The following PRKN variants were observed in gnomAD, a reference collection of about 807,000 sequenced individuals.
PRKN encodes the protein parkin RBR E3 ubiquitin protein ligase, also known as E3 ubiquitin-protein ligase parkin.
Under a neutral mutation model 59.5 loss-of-function variants are expected in PRKN, and 56 were observed. That is an observed-to-expected ratio of 0.94 (90% confidence interval 0.76 to 1.18). PRKN has a LOEUF of 1.18. Among genes scored for constraint, PRKN ranks in the 50% most tolerant of loss-of-function variants. The pLI is 0.00. For missense variants in PRKN, 657 were observed against 596.4 expected (o/e 1.10, Z -1.06); for synonymous variants, 250 against 222.1 (o/e 1.13, Z -1.12).
At chr6:161,944,883 A>G (rs1220403090) in intron 6 of PRKN, among the ~76,000 whole-genome samples, 1 of 152,234 alleles carries the variant, frequency 6.6e-6, no homozygotes, top group Non-Finnish European at 1.5e-5. Context: ...ATGCTATACA[A>G]GAACACAGAA....
At chr6:161,659,051 C>A (rs1337057163) in intron 7 of PRKN, among the ~76,000 whole-genome samples, 2 of 152,198 alleles carry the variant, frequency 1.3e-5, no homozygotes, top group African/African-American at 4.8e-5. Context: ...TTAACTGCCC[C>A]ATAACTGCTG....
chr6:162,608,107 T>C (rs1025992568), intron 1 of PRKN, among the ~76,000 whole-genome samples: 7 of 152,136 alleles, frequency 4.6e-5, no homozygotes, highest in Non-Finnish European at 1.5e-5. Flanking sequence ...AATGCAAAGA[T>C]TGAAAAGCAA....
rs1237394715 is a variant in PRKN at position 161,499,148 on chromosome 6, T to TG, written c.1083+49705dup. ...CACACACACATTTTTTTTTTTTTTTTGGCTCACAGAGTGCTTGAAAAGAAT... is the reference window on the plus strand; with the variant it reads ...CACACACACATTTTTTTTTTTTTTTTGGGCTCACAGAGTGCTTGAAAAGAAT... On this transcript the variant is annotated intron_variant, in intron 9 of 11. Transcript: ENST00000366898. The surrounding 1 kb of genome is among the most constrained non-coding windows in gnomAD (Gnocchi z 4.2). Among the ~76,000 whole-genome samples, 3 of 149,828 alleles carry TG rather than the reference T, an allele frequency of 2.0e-5. No individual in the cohort carries two copies. The highest frequency in any genetic ancestry group is 4.4e-5 in the Non-Finnish European group (3 of 67,570).
chr6:162,506,308 C>T (rs1011991703), intron 1 of PRKN, among the ~76,000 whole-genome samples: 1 of 133,372 alleles, frequency 7.5e-6, no homozygotes, highest in African/African-American at 2.9e-5. Flanking sequence ...AAAAAGGAAG[C>T]AAAAGAATTT....
At chr6:162,330,044 C>T (rs563288805) in intron 2 of PRKN, among the ~76,000 whole-genome samples, 16 of 152,286 alleles carry the variant, frequency 1.1e-4, no homozygotes, top group South Asian at 6.2e-4. Flanking sequence ...AATAGCTCTA[C>T]GTCTTAGAAA....
intron 1 of PRKN, among the ~76,000 whole-genome samples, chr6:162,710,426 A>G (rs528957727): frequency 8.2e-6 from 1 of 121,734 alleles, no homozygotes; most frequent in Admixed American, 7.8e-5. Flanking sequence ...ACTGTTTGGT[A>G]TGATGAGGAA....
In PRKN at chr6:162,612,029, C is replaced by CAA. The variant is rs1782193080; in HGVS notation, c.7+115632_7+115633insTT. Among the ~76,000 whole-genome samples the CAA allele has an allele frequency of 2.2e-5, 3 of 134,848 alleles. No homozygotes were observed. The South Asian group carries it at 7.6e-4, about 34-fold the overall frequency. The allele number at this position is 134,848 out of a possible 152,430, so 88.5% of individuals were successfully genotyped here. On this transcript the variant is annotated intron_variant, in intron 1 of 11. Coordinates refer to ENST00000366898, the MANE Select transcript of PRKN (RefSeq NM_004562.3). ...TGAAACCCCGTCTCTACTAAAAATA[C>CAA]GAAAAAAAAAAAAATTAGCTGGGCG...
intron 5 of PRKN, among the ~76,000 whole-genome samples, chr6:161,999,196 G>C (rs1229306084): frequency 1.3e-5 from 2 of 152,046 alleles, no homozygotes; most frequent in African/African-American, 4.8e-5. Flanking sequence ...TCAAGTCTCA[G>C]CAATAACAAC....
intron 2 of PRKN, among the ~76,000 whole-genome samples, chr6:162,376,768 AGGGAGG>A (rs1280759111): frequency 6.8e-5 from 6 of 88,560 alleles, no homozygotes; most frequent in South Asian, 6.1e-4. Flanking sequence ...TGAGAGGGAA[AGGGAGG>A]GGGAGGGGGA....
At chr6:161,861,573 C>T (rs982036397) in intron 6 of PRKN, among the ~76,000 whole-genome samples, 2 of 150,520 alleles carry the variant, frequency 1.3e-5, no homozygotes, top group African/African-American at 2.5e-5. Context: ...GCACATGTAT[C>T]CCAGAACTTA....
chr6:161,698,895 T>A (rs1002978850), intron 7 of PRKN, among the ~76,000 whole-genome samples: 2 of 152,110 alleles, frequency 1.3e-5, no homozygotes, highest in Non-Finnish European at 2.9e-5. Flanking sequence ...ACTGACAAAC[T>A]GGACTTCATC....
intron 7 of PRKN, among the ~76,000 whole-genome samples, chr6:161,694,370 C>A (rs1212462042): frequency 6.6e-6 from 1 of 151,988 alleles, no homozygotes; most frequent in Non-Finnish European, 1.5e-5. Flanking sequence ...TAATGTTGTC[C>A]TTTTAAATTT....
intron 2 of PRKN, among the ~76,000 whole-genome samples, chr6:162,385,884 A>G (rs1381091389): frequency 6.6e-6 from 1 of 152,106 alleles, no homozygotes; most frequent in African/African-American, 2.4e-5. Flanking sequence ...AAAGTTTCAG[A>G]TTCCAAAGTT....
intron 7 of PRKN, among the ~76,000 whole-genome samples, chr6:161,631,711 T>C (rs1174297523): frequency 3.3e-5 from 5 of 152,104 alleles, no homozygotes; most frequent in Non-Finnish European, 7.3e-5. Flanking sequence ...TATCCTCCTC[T>C]TCTTACATTT....
chr6:162,272,557 G>A (rs1279601662), intron 2 of PRKN, among the ~76,000 whole-genome samples: 2 of 152,050 alleles, frequency 1.3e-5, no homozygotes, highest in African/African-American at 4.8e-5. Flanking sequence ...GGCACGTCGG[G>A]GAGGTCAGCA....
chr6:162,087,630 C>T (rs1196417191), intron 4 of PRKN, among the ~76,000 whole-genome samples: 4 of 139,634 alleles, frequency 2.9e-5, no homozygotes, highest in Admixed American at 7.4e-5. Context: ...AGTCTCGCTC[C>T]GTCACCAGGC....
intron 1 of PRKN, among the ~76,000 whole-genome samples, chr6:162,566,633 C>A (rs1780093429): frequency 6.6e-6 from 1 of 151,872 alleles, no homozygotes. Context: ...AAGATTAAAG[C>A]CATAATAAAA....
intron 11 of PRKN, among the ~76,000 whole-genome samples, chr6:161,351,165 A>G (rs1302976676): frequency 7.5e-6 from 1 of 133,550 alleles, no homozygotes; most frequent in Non-Finnish European, 1.5e-5. Flanking sequence ...AAATATATTT[A>G]TATTTAAATA....
intron 3 of PRKN, among the ~76,000 whole-genome samples, chr6:162,203,969 G>T (rs1351850718): frequency 6.6e-6 from 1 of 151,964 alleles, no homozygotes; most frequent in Non-Finnish European, 1.5e-5. Flanking sequence ...CAGATATTTC[G>T]CCACGTTTGG....
Sources: allele counts gnomAD v4.1 joint callset (sites outside exome capture counted in the v4.1 genomes callset), GRCh38; gene constraint gnomAD v4.1.1; non-coding constraint Gnocchi (gnomAD v3.1); transcripts MANE v1.5; gene names NCBI Gene and HGNC (gene_info 2026-07-23, HGNC 2026-07-21).